The following PDZD2 variants were observed in gnomAD, a reference collection of about 807,000 sequenced individuals.
PDZD2 encodes PDZ domain containing 2, also known as PDZ domain-containing protein 2.
In PDZD2, 90 loss-of-function variants were observed where a neutral mutation model predicts 220.7. That is an observed-to-expected ratio of 0.41 (90% CI 0.34 to 0.49). The LOEUF (loss-of-function observed/expected upper bound fraction) is 0.49. Among genes scored for constraint, PDZD2 ranks in the 20% least tolerant of loss-of-function variants. The pLI is 0.28. For missense variants in PDZD2, 3,174 were observed against 3,608.5 expected, an observed-to-expected ratio of 0.88 and a Z score of 3.08; for synonymous variants, 1,375 against 1,450.5, an observed-to-expected ratio of 0.95 and a Z score of 1.18.
Position 31,689,988 on chromosome 5 carries a change from C to T in PDZD2, c.-361+50551C>T, listed in dbSNP as rs28683777. ...GCTGGCAAACTCATCAAAACCGCTACTTGGGTCATTTGAAACGGCGTGTCC... is the reference window on the plus strand; with the variant it reads ...GCTGGCAAACTCATCAAAACCGCTATTTGGGTCATTTGAAACGGCGTGTCC... On this transcript the variant is annotated intron_variant, in intron 1 of 24. Coordinates refer to ENST00000438447, the MANE Select transcript of PDZD2 (RefSeq NM_178140.4). Among the ~76,000 whole-genome samples, 305 of 152,244 alleles carry T rather than the reference C, an allele frequency of 2.0e-3. 1 individual carries two copies. Among genetic ancestry groups the T allele is most frequent in the African/African-American group, 7.0e-3 (292 of 41,538 alleles).
chr5:31,651,503 G>A (rs1246061413), intron 1 of PDZD2, among the ~76,000 whole-genome samples: 2 of 152,198 alleles, frequency 1.3e-5, no homozygotes, highest in Admixed American at 1.3e-4. Context: ...TGTATGTGCT[G>A]TTCTCATGGG....
At chr5:31,856,768 CCTT>C (rs1256338424) in intron 2 of PDZD2, among the ~76,000 whole-genome samples, 58 of 152,182 alleles carry the variant, frequency 3.8e-4, no homozygotes, top group African/African-American at 1.3e-3. Context: ...TCCCCTTTTG[CCTT>C]CTTCATCGTC....
intron 1 of PDZD2, among the ~76,000 whole-genome samples, chr5:31,739,044 CCTGA>C (rs920973311): frequency 2.6e-5 from 4 of 152,118 alleles, no homozygotes; most frequent in Non-Finnish European, 5.9e-5. Flanking sequence ...TGCCACCATA[CCTGA>C]CTAATTTTTG....
chr5:31,701,469 A>G (rs1169891048), intron 1 of PDZD2, among the ~76,000 whole-genome samples: 1 of 152,158 alleles, frequency 6.6e-6, no homozygotes, highest in East Asian at 1.9e-4. Context: ...CTCGGATTAC[A>G]GGTGTGAGCC....
At chr5:31,858,222 C>T (rs945339681) in intron 2 of PDZD2, among the ~76,000 whole-genome samples, 7 of 152,112 alleles carry the variant, frequency 4.6e-5, no homozygotes, top group African/African-American at 1.7e-4. Flanking sequence ...CTTGGCCTCC[C>T]AAAGTGCTGG....
At chr5:31,724,595 T>C (rs1161912938) in intron 1 of PDZD2, among the ~76,000 whole-genome samples, 2 of 116,528 alleles carry the variant, frequency 1.7e-5, no homozygotes, top group African/African-American at 3.6e-5. Context: ...AGAGTGAAAT[T>C]CCGTCTCAAA....
At chr5:32,013,768 G>A (rs943380112) in intron 6 of PDZD2, among the ~76,000 whole-genome samples, 1 of 152,100 alleles carries the variant, frequency 6.6e-6, no homozygotes, top group African/African-American at 2.4e-5. Flanking sequence ...CACCAGACGG[G>A]ACACCACCTC....
chr5:31,987,284 G>A (rs1322523454), intron 3 of PDZD2, among the ~76,000 whole-genome samples: 5 of 152,144 alleles, frequency 3.3e-5, no homozygotes, highest in Admixed American at 2.6e-4. Flanking sequence ...ATGTCTATGG[G>A]TACATTTGTG....
intron 1 of PDZD2, among the ~76,000 whole-genome samples, chr5:31,750,541 T>G (rs1750891910): frequency 6.6e-6 from 1 of 151,908 alleles, no homozygotes; most frequent in African/African-American, 2.4e-5. Context: ...AACACGAGGG[T>G]CCGCCAAGGA....
At chr5:32,006,353 ATTT>A (rs71912250) in intron 5 of PDZD2, among the ~76,000 whole-genome samples, 27 of 134,346 alleles carry the variant, frequency 2.0e-4, no homozygotes, top group African/African-American at 6.6e-4. Context: ...AGGAAGTACA[ATTT>A]TTTTTTTTTT....
intron 1 of PDZD2, among the ~76,000 whole-genome samples, chr5:31,642,254 T>C (rs1489549501): frequency 6.6e-6 from 1 of 152,210 alleles, no homozygotes; most frequent in Non-Finnish European, 1.5e-5. Flanking sequence ...TTTCAGCTTC[T>C]TTCTTCTGCC....
At chr5:31,760,844 C>G (rs971577285) in intron 1 of PDZD2, among the ~76,000 whole-genome samples, 4 of 152,154 alleles carry the variant, frequency 2.6e-5, no homozygotes, top group African/African-American at 9.7e-5. Context: ...ATTGCTTGAG[C>G]CCACGAGGCA....
chr5:31,912,647 G>T (rs1351128964), intron 2 of PDZD2, among the ~76,000 whole-genome samples: 1 of 152,184 alleles, frequency 6.6e-6, no homozygotes, highest in Non-Finnish European at 1.5e-5. Context: ...TCCTGTAGCC[G>T]ATATGGCTAA....
intron 2 of PDZD2, among the ~76,000 whole-genome samples, chr5:31,966,566 C>A (rs1326290725): frequency 6.6e-6 from 1 of 152,156 alleles, no homozygotes; most frequent in Non-Finnish European, 1.5e-5. Context: ...TCAACAGACC[C>A]ATGAAGAGTG....
Position 32,057,935 on chromosome 5 carries a change from C to G in PDZD2, c.2032C>G (p.Leu678Val). ...ACGCACAAAGTTGGTGAGCCCCAGC[C>G]TCACACCCTGCTCGACACCCACACA... is the stretch of plus-strand genomic sequence containing the variant. ...TVRTKLVSPSLTPCSTPTHMS... is the reference protein window; with the variant it reads ...TVRTKLVSPSVTPCSTPTHMS... The change falls in exon 12 of 25, where the codon CTC becomes GTC. Residue 678 changes from leucine (L) to valine (V), a missense_variant. Transcript: ENST00000438447. The G allele has an allele frequency of 6.2e-7, 1 of 1,614,030 alleles. No homozygotes were observed.
intron 1 of PDZD2, among the ~76,000 whole-genome samples, chr5:31,761,080 G>T (rs1193918521): frequency 6.6e-6 from 1 of 152,134 alleles, no homozygotes; most frequent in African/African-American, 2.4e-5. Context: ...TGGTGGTGAC[G>T]GGAGTGGTGC....
intron 2 of PDZD2, among the ~76,000 whole-genome samples, chr5:31,910,431 G>C (rs1242222417): frequency 1.5e-5 from 2 of 136,802 alleles, no homozygotes; most frequent in East Asian, 2.0e-4. Context: ...TTTTGAGACA[G>C]AGTCTCACTC....
intron 1 of PDZD2, among the ~76,000 whole-genome samples, chr5:31,768,422 C>A (rs1752151574): frequency 6.6e-6 from 1 of 152,062 alleles, no homozygotes. Context: ...GTGGGTGGAT[C>A]ACAAGGTCAG....
chr5:31,798,759 G>T (rs144746078), intron 1 of PDZD2, 130 bp from the exon 2 acceptor site: 3 of 158,256 alleles, frequency 1.9e-5, no homozygotes, highest in Non-Finnish European at 4.2e-5. Context: ...GGAAGCGTTA[G>T]GTTCTGGGTT....
Sources: allele counts gnomAD v4.1 joint callset (sites outside exome capture counted in the v4.1 genomes callset), GRCh38; gene constraint gnomAD v4.1.1; transcripts MANE v1.5; gene names NCBI Gene and HGNC (gene_info 2026-07-23, HGNC 2026-07-21).